Variants in HK2 observed in about 807,000 individuals in gnomAD.
HK2 encodes the protein hexokinase-2.
Under a neutral mutation model 92.9 loss-of-function variants are expected in HK2, and 42 were observed. The ratio of observed to expected loss-of-function variants is 0.45; its 90% confidence interval spans 0.35 to 0.58. The LOEUF (loss-of-function observed/expected upper bound fraction) is 0.58, where lower values mean the gene tolerates loss of function less well. HK2 is among the 20% of genes least tolerant of loss of function. HK2 has a pLI of 0.00. For synonymous variants in HK2, 422 were observed against 468.0 expected, an observed-to-expected ratio of 0.90 and a Z score of 1.27; for missense variants, 978 against 1,245.1, an observed-to-expected ratio of 0.79 and a Z score of 3.23.
chr2:74,836,802 A>G (rs1482529416), intron 1 of HK2, among the ~76,000 whole-genome samples: 1 of 152,220 alleles, frequency 6.6e-6, no homozygotes, highest in Non-Finnish European at 1.5e-5. Flanking sequence ...GGAAAGAAGA[A>G]TTAAGAGAGA....
At chr2:74,880,635 G>A (rs984419018) in intron 10 of HK2, 66 bp downstream of exon 10, 3 of 1,503,208 alleles carry the variant, frequency 2.0e-6, no homozygotes, top group African/African-American at 1.4e-5. Context: ...TACCCTGGGA[G>A]GGATCCCTTA....
At position 74,889,265 on chromosome 2, in the gene HK2, A is replaced by C. The variant is rs1225261808; in HGVS notation, c.2396A>C (p.Gln799Pro). The change falls in exon 17 of 18, where the codon CAA becomes CCA. Residue 799 changes from glutamine (Q) to proline (P), a missense_variant. Gln to Pro is a moderately conservative substitution (Grantham distance 76, BLOSUM62 -1). Around this residue, in one of 3 missense-constraint regions of HK2, gnomAD observed 742 missense variants for 922.5 expected, o/e 0.80. Coordinates refer to ENST00000290573, the MANE Select transcript of HK2 (RefSeq NM_000189.5). Reference protein sequence around the residue: ...QIESDCLALLQVRAILQHLGL... With the variant: ...QIESDCLALLPVRAILQHLGL... ...CCCAGTGACTGCCTGGCCCTGCTGC[A>C]AGTCCGAGCCATCCTGCAACACTTA... is the stretch of plus-strand genomic sequence containing the variant. The C allele has an allele frequency of 4.3e-6, 7 of 1,613,974 alleles. No homozygotes were observed. The highest frequency in any genetic ancestry group is 5.9e-6 in the Non-Finnish European group (7 of 1,179,982).
chr2:74,836,431 A>G (rs1294189989), intron 1 of HK2, among the ~76,000 whole-genome samples: 6 of 152,216 alleles, frequency 3.9e-5, no homozygotes, highest in African/African-American at 1.2e-4. Flanking sequence ...TTTATTAACC[A>G]TAGCACCCTG....
At chr2:74,870,256 C>T (rs1015557733) in intron 3 of HK2, among the ~76,000 whole-genome samples, 15 of 152,022 alleles carry the variant, frequency 9.9e-5, no homozygotes, top group African/African-American at 1.7e-4. Flanking sequence ...GTGATCTGCC[C>T]GTCTTCGCCT....
At chr2:74,882,382 A>G (rs1276414047) in intron 12 of HK2, 143 bp downstream of exon 12, 27 of 1,230,192 alleles carry the variant, frequency 2.2e-5, no homozygotes, top group Non-Finnish European at 3.1e-5. Context: ...GGGCTCCTTG[A>G]TGGGAATGAG....
At chr2:74,841,525 C>G (rs571546020) in intron 1 of HK2, among the ~76,000 whole-genome samples, 2 of 152,176 alleles carry the variant, frequency 1.3e-5, no homozygotes, top group South Asian at 4.2e-4. Flanking sequence ...AGTTAGTAGC[C>G]CTAGTTGGGA....
intron 2 of HK2, among the ~76,000 whole-genome samples, chr2:74,857,037 T>C (rs1480953012): frequency 6.6e-6 from 1 of 152,238 alleles, no homozygotes; most frequent in African/African-American, 2.4e-5. Context: ...AGACCTCCCA[T>C]GCACCTTGAA....
rs28363029 is a variant in HK2 at position 74,878,815 on chromosome 2, G to T, written c.1159G>T (p.Ala387Ser). The T allele has an allele frequency of 8.5e-4, 1,334 of 1,561,544 alleles. 12 individuals are homozygous for T. In the African/African-American group the frequency reaches 0.016, roughly 19 times the overall value. ...GTCCACACGCTCCGCCAGCCTGTGCGCAGCCACCCTGGCCGCCGTGCTGCA... is the reference window on the plus strand; with the variant it reads ...GTCCACACGCTCCGCCAGCCTGTGCTCAGCCACCCTGGCCGCCGTGCTGCA... ...IVSTRSASLCAATLAAVLQRI... is the reference protein window; with the variant it reads ...IVSTRSASLCSATLAAVLQRI... The change falls in exon 9 of 18, where the codon GCA becomes TCA. Residue 387 changes from alanine to serine, a missense_variant. Ala to Ser is a moderately conservative substitution (Grantham distance 99, BLOSUM62 1). Transcript: ENST00000290573.
Position 74,877,194 on chromosome 2 carries a change from A to C in HK2, c.904A>C (p.Met302Leu). The change falls in exon 8 of 18, where the codon ATG (methionine) becomes CTG (leucine). Residue 302 changes from methionine (M) to leucine (L), a missense_variant. Coordinates refer to ENST00000290573, the MANE Select transcript of HK2 (RefSeq NM_000189.5). ...LFEKMISGMYMGELVRLILVK... is the reference protein window; with the variant it reads ...LFEKMISGMYLGELVRLILVK... ...TGAGAAGATGATCAGTGGGATGTAC[A>C]TGGGGGAGCTGGTGAGGCTTATCCT... 2 of 1,614,162 alleles carry C rather than the reference A, an allele frequency of 1.2e-6. No individual in the cohort carries two copies. Among genetic ancestry groups the C allele is most frequent in the Non-Finnish European group, 1.7e-6 (2 of 1,180,028 alleles).
intron 12 of HK2, among the ~76,000 whole-genome samples, chr2:74,882,757 G>A (rs760144277): frequency 3.9e-4 from 59 of 151,902 alleles, no homozygotes; most frequent in Non-Finnish European, 7.8e-4. Flanking sequence ...AAGCCCCACA[G>A]AGGTGCTGGG....
intron 4 of HK2, among the ~76,000 whole-genome samples, 179 bp downstream of exon 4, chr2:74,872,598 T>A (rs1174663921): frequency 7.3e-6 from 1 of 137,786 alleles, no homozygotes; most frequent in Non-Finnish European, 1.6e-5. Flanking sequence ...ATCTGGGGGG[T>A]TGGGAGTGCC....
In HK2 at chr2:74,876,480, A is replaced by G. The variant is rs1424590055; in HGVS notation, c.876-686A>G. Among the ~76,000 whole-genome samples the G allele has an allele frequency of 5.3e-5, 8 of 152,230 alleles. No homozygotes were observed. The South Asian group carries it at 1.2e-3, about 24-fold the overall frequency. On this transcript the variant is annotated intron_variant, in intron 7 of 17. Transcript: ENST00000290573. The stretch of plus-strand genomic sequence containing the variant: ...AACAGTGCCACCTAGTGTTAAAATT[A>G]AATCACCGGACCGCACTGCTGGTTT...
chr2:74,834,558 C>A lies in HK2; in HGVS notation c.-23C>A. 6.2e-7 allele frequency: 1 copy of A among 1,613,508 alleles called. No individual in the cohort carries two copies. The highest frequency in any genetic ancestry group is 8.5e-7 in the Non-Finnish European group (1 of 1,179,504). On this transcript the variant is annotated 5_prime_UTR_variant, in exon 1 of 18. It adds an upstream start codon to the 5' untranslated region. Coordinates refer to ENST00000290573, the MANE Select transcript of HK2 (RefSeq NM_000189.5). The surrounding 1 kb of genome is among the most constrained non-coding windows in gnomAD (Gnocchi z 4.2). ...GCGTCTCCGCCTCGGTTTCCCAACT[C>A]TGCGCCGTCGGGCCGCGGCAGGATG...
chr2:74,836,784 C>A (rs913994461), intron 1 of HK2, among the ~76,000 whole-genome samples: 4 of 152,168 alleles, frequency 2.6e-5, no homozygotes, highest in African/African-American at 9.7e-5. Context: ...TCTTTCTGAG[C>A]TGCCATTGGA....
At chr2:74,844,239 G>A (rs1049144905) in intron 1 of HK2, among the ~76,000 whole-genome samples, 1 of 152,124 alleles carries the variant, frequency 6.6e-6, no homozygotes, top group Admixed American at 6.6e-5. Flanking sequence ...GTGTACTAAG[G>A]GACCAGCCCA....
At chr2:74,886,154 G>C (rs1386786370) in intron 13 of HK2, 140 bp from the exon 14 acceptor site, 1 of 756,572 alleles carries the variant, frequency 1.3e-6, no homozygotes, top group Non-Finnish European at 2.3e-6. Context: ...TGACATTTAA[G>C]CACAGACCTG....
At chr2:74,868,018 T>TC (rs769760066) in intron 3 of HK2, 14 of 513,860 alleles carry the variant, frequency 2.7e-5, no homozygotes, top group Non-Finnish European at 4.3e-5. Flanking sequence ...AAGCATGAAA[T>TC]CCAAGTAAGA....
intron 7 of HK2, 76 bp downstream of exon 7, chr2:74,874,525 G>A (rs946319671): frequency 4.9e-6 from 7 of 1,420,310 alleles, no homozygotes; most frequent in Non-Finnish European, 5.8e-6. Context: ...GGGCCAGGGG[G>A]TTGTTTCTTT....
Position 74,834,634 on chromosome 2 carries a change from A to G in HK2, c.54A>G (p.Gln18=). 6.2e-7 allele frequency: 1 copy of G among 1,613,938 alleles called. No homozygotes were observed. The highest frequency in any genetic ancestry group is 8.5e-7 in the Non-Finnish European group (1 of 1,179,848). ...AYFFTELNHD[Q]VQKVDQYLYH... is the part of the protein sequence containing the mutation. ...TCTTCACGGAGCTCAACCATGACCA[A>G]GTGCAGAAGGTAAGTCAGCGCGGGC... The change falls in exon 1 of 18, where the codon CAA becomes CAG. Residue 18 remains glutamine, a synonymous_variant. Coordinates refer to ENST00000290573, the MANE Select transcript of HK2 (RefSeq NM_000189.5). The surrounding 1 kb of genome is among the most constrained non-coding windows in gnomAD (Gnocchi z 4.2).
Sources: allele counts gnomAD v4.1 joint callset (sites outside exome capture counted in the v4.1 genomes callset), GRCh38; gene constraint gnomAD v4.1.1; regional missense constraint gnomAD v4.1.1; non-coding constraint Gnocchi (gnomAD v3.1); transcripts MANE v1.5; gene names NCBI Gene and HGNC (gene_info 2026-07-23, HGNC 2026-07-21).